Variants in CFAP74 observed in about 807,000 individuals in gnomAD.
CFAP74 encodes the protein cilia and flagella associated protein 74.
A neutral mutation model predicts 188.9 loss-of-function variants in CFAP74; 124 were observed. The ratio of observed to expected loss-of-function variants is 0.66; its 90% CI spans 0.57 to 0.76. The LOEUF (loss-of-function observed/expected upper bound fraction) is 0.76. Ranked by LOEUF, CFAP74 falls within the 30% of genes least tolerant of loss-of-function variation. CFAP74 has a pLI of 0.00. For synonymous variants in CFAP74, 956 were observed against 916.7 expected (o/e 1.04, Z -0.77); for missense variants, 2,198 against 2,165.2 (o/e 1.02, Z -0.30).
intron 2 of CFAP74, among the ~76,000 whole-genome samples, chr1:1,989,216 A>C (rs1027274295): frequency 3.9e-5 from 6 of 152,066 alleles, no homozygotes; most frequent in African/African-American, 1.4e-4. Context: ...GCGGGGAGCA[A>C]GGGCACAGCA....
At chr1:1,992,631 G>A (rs529677661) in intron 1 of CFAP74, among the ~76,000 whole-genome samples, 3 of 151,524 alleles carry the variant, frequency 2.0e-5, no homozygotes, top group Admixed American at 1.3e-4. Flanking sequence ...CCACCACTAC[G>A]CCCAGCTAAT....
At chr1:1,970,433 G>C (rs550315554) in intron 10 of CFAP74, among the ~76,000 whole-genome samples, 14 of 152,352 alleles carry the variant, frequency 9.2e-5, no homozygotes, top group African/African-American at 3.1e-4. Flanking sequence ...GGGGCCGAGG[G>C]TTGGGCGTGG....
intron 10 of CFAP74, 110 bp downstream of exon 10, chr1:1,970,549 C>T (rs948390321): frequency 4.7e-6 from 6 of 1,274,802 alleles, no homozygotes; most frequent in Non-Finnish European, 6.4e-6. Flanking sequence ...GAGTGGGCGC[C>T]CTGGGAGAGA....
At chr1:1,945,138 C>T (rs1176840316) in intron 20 of CFAP74, among the ~76,000 whole-genome samples, 1 of 151,732 alleles carries the variant, frequency 6.6e-6, no homozygotes. Context: ...AGACCCCCGT[C>T]TCTACAAAAA....
chr1:1,923,053 G>T lies in CFAP74; in HGVS notation c.4615C>A (p.Pro1539Thr). The T allele has an allele frequency of 6.2e-7, 1 of 1,608,710 alleles. No homozygotes were observed. Among genetic ancestry groups the T allele is most frequent in the Non-Finnish European group, 8.5e-7 (1 of 1,178,816 alleles). ...AGCTCTCGGGTGGCAGGTGGGGCTG[G>T]CGTGTCTGTGTCAAACTGGATGTAG... The part of the protein sequence containing the change: ...LDYIQFDTDT[P>T]APPATRELQV... The change falls in exon 37 of 39, where the codon CCA becomes ACA. Residue 1539 changes from proline to threonine, a missense_variant. Pro to Thr is a conservative substitution (Grantham distance 38, BLOSUM62 -1). Coordinates refer to ENST00000682832, the MANE Select transcript of CFAP74 (RefSeq NM_001304360.2). This position sits in a 1 kb window ranked among gnomAD's most constrained non-coding sequence, Gnocchi z 6.3.
chr1:1,982,702 G>A (rs1656982331), intron 6 of CFAP74, among the ~76,000 whole-genome samples: 1 of 152,258 alleles, frequency 6.6e-6, no homozygotes, highest in African/African-American at 2.4e-5. Flanking sequence ...ACAGGAGGAG[G>A]GCGGCAGGTG....
chr1:1,932,352 G>T (rs186153201), intron 25 of CFAP74, among the ~76,000 whole-genome samples: 2 of 149,854 alleles, frequency 1.3e-5, no homozygotes, highest in South Asian at 4.2e-4. Flanking sequence ...AGCCGAGATC[G>T]CGCCACCGCA....
chr1:1,938,221 TCA>T (rs144445165), intron 25 of CFAP74, among the ~76,000 whole-genome samples: 35,914 of 143,898 alleles, frequency 0.25, 4,569 homozygotes, highest in Non-Finnish European at 0.27. Flanking sequence ...ATACATGCAC[TCA>T]CAGTCACATG....
rs112016317 is a variant in CFAP74 at position 1,939,131 on chromosome 1, T to C, written c.2878-143A>G. 5.6e-4 allele frequency: 499 copies of C among 886,276 alleles called. 3 individuals carry two copies. In the African/African-American group the frequency reaches 7.1e-3, roughly 13 times the overall value. 54.9% of individuals were successfully genotyped at this position (886,276 alleles called of 1,614,324 possible). ...GGGTGAGAGTGTCGCTGTCAACGAGTGTGTGTCAGCAAGTGTGTGAGTGTG... is the reference window on the plus strand; with the variant it reads ...GGGTGAGAGTGTCGCTGTCAACGAGCGTGTGTCAGCAAGTGTGTGAGTGTG... On this transcript the variant is annotated intron_variant, in intron 24 of 38. Transcript: ENST00000682832.
rs1053576595 is a variant in CFAP74, at chr1:1,944,455, G to C, written c.2365-3C>G. ...ACGCCCACGACCCTGAAATGCAGCT[G>C]CATATGGACACAGGAGCTCAGCAAC... On this transcript the variant is annotated splice_polypyrimidine_tract_variant and splice_region_variant and intron_variant, in intron 20 of 38. Transcript: ENST00000682832. The C allele has an allele frequency of 6.5e-7, 1 of 1,535,868 alleles. No individual in the cohort carries two copies. The highest frequency in any genetic ancestry group is 1.4e-5 in the African/African-American group (1 of 73,056).
intron 6 of CFAP74, among the ~76,000 whole-genome samples, chr1:1,976,872 G>GAT: frequency 7.5e-6 from 1 of 133,946 alleles, no homozygotes; most frequent in Non-Finnish European, 1.7e-5. Flanking sequence ...TTTTGAGACA[G>GAT]TCTCGCTCTG....
chr1:1,929,480 G>A (rs529429968), intron 26 of CFAP74, among the ~76,000 whole-genome samples: 1 of 148,536 alleles, frequency 6.7e-6, no homozygotes, highest in South Asian at 2.2e-4. Flanking sequence ...TGTGTGTGGG[G>A]GTGAGAACCA....
rs377032007 is a variant in CFAP74 at position 1,970,248 on chromosome 1, A to C, written c.1046+411T>G. 2.6e-4 allele frequency among the ~76,000 whole-genome samples: 39 copies of C among 152,364 alleles called. 1 individual carries two copies. The highest frequency in any genetic ancestry group is 9.4e-4 in the African/African-American group (39 of 41,602). On this transcript the variant is annotated intron_variant, in intron 10 of 38. Coordinates refer to ENST00000682832, the MANE Select transcript of CFAP74 (RefSeq NM_001304360.2). ...GGAAGCCAGGTGGACGGCCCTGGAC[A>C]GGGAGTGAGCAAGGGCAGGCCCAGC...
intron 13 of CFAP74, 61 bp downstream of exon 13, chr1:1,964,827 A>G (rs1655351772): frequency 6.3e-7 from 1 of 1,583,136 alleles, no homozygotes; most frequent in Non-Finnish European, 8.6e-7. Context: ...GGGCTGCGGC[A>G]GGGCTCCCCT....
intron 25 of CFAP74, among the ~76,000 whole-genome samples, chr1:1,936,845 G>A (rs1361050534): frequency 6.6e-6 from 1 of 151,392 alleles, no homozygotes; most frequent in Non-Finnish European, 1.5e-5. Flanking sequence ...GGTGGAGGCT[G>A]CAGTGAGCCG....
In CFAP74 at chr1:1,992,695, C is replaced by T. The variant is rs188164647; in HGVS notation, c.-19-1720G>A. Among the ~76,000 whole-genome samples the T allele has an allele frequency of 8.8e-3, 1,329 of 151,704 alleles. 8 individuals carry two copies. The highest frequency in any genetic ancestry group is 0.014 in the Middle Eastern group (4 of 294). On this transcript the variant is annotated intron_variant, in intron 1 of 38. Coordinates refer to ENST00000682832, the MANE Select transcript of CFAP74 (RefSeq NM_001304360.2). ...TTCACTGTGTTAGCCAGGATGGTCT[C>T]GATCTCCTGACCTCGTGACCCACCT...
intron 6 of CFAP74, among the ~76,000 whole-genome samples, chr1:1,977,848 T>C (rs1656550013): frequency 6.6e-6 from 1 of 152,216 alleles, no homozygotes; most frequent in Non-Finnish European, 1.5e-5. Flanking sequence ...AGTTTGTTGT[T>C]GCTGTTGTTG....
chr1:1,938,731 G>T, intron 25 of CFAP74, 124 bp downstream of exon 25: 2 of 1,188,534 alleles, frequency 1.7e-6, no homozygotes, highest in East Asian at 2.6e-5. Context: ...GTGCTGCCCA[G>T]CCCAGCCCTG....
chr1:1,988,664 G>A lies in CFAP74; in HGVS notation c.153-9C>T. 1.9e-6 allele frequency: 3 copies of A among 1,605,034 alleles called. No individual in the cohort carries two copies. The highest frequency in any genetic ancestry group is 1.7e-6 in the Non-Finnish European group (2 of 1,179,794). On this transcript the variant is annotated splice_polypyrimidine_tract_variant and intron_variant, in intron 3 of 38. Transcript: ENST00000682832. ...CTAGTTCTTTCACTGAGCTTAGGAT[G>A]AAAAGGACGTCAGCTGCCACCACCC...
Sources: allele counts gnomAD v4.1 joint callset (sites outside exome capture counted in the v4.1 genomes callset), GRCh38; gene constraint gnomAD v4.1.1; non-coding constraint Gnocchi (gnomAD v3.1); transcripts MANE v1.5; gene names NCBI Gene and HGNC (gene_info 2026-07-23, HGNC 2026-07-21).